The following PCDH15 variants were observed in gnomAD, a reference collection of about 807,000 sequenced individuals.
PCDH15 encodes the protein protocadherin related 15, also known as protocadherin-15.
Under a neutral mutation model 178.5 loss-of-function variants are expected in PCDH15, and 129 were observed. The ratio of observed to expected loss-of-function variants is 0.72; its 90% CI spans 0.63 to 0.84. The LOEUF is 0.84. Ranked by LOEUF, PCDH15 falls within the 40% of genes least tolerant of loss-of-function variation. The probability of loss-of-function intolerance (pLI) is 0.00; values close to 1 mark genes in which losing one functional copy is unlikely to be tolerated. For synonymous variants in PCDH15, 800 were observed against 732.0 expected, an observed-to-expected ratio of 1.09 and a Z score of -1.50; for missense variants, 2,230 against 2,099.9, an observed-to-expected ratio of 1.06 and a Z score of -1.21.
chr10:54,427,539 A>G (rs1228975491), intron 3 of PCDH15, among the ~76,000 whole-genome samples: 3 of 151,656 alleles, frequency 2.0e-5, no homozygotes, highest in South Asian at 2.1e-4. Context: ...CAGCCTCCCA[A>G]AGTGCTGGGA....
At chr10:53,887,668 C>T (rs1443300575) in intron 26 of PCDH15, among the ~76,000 whole-genome samples, 1 of 152,108 alleles carries the variant, frequency 6.6e-6, no homozygotes, top group East Asian at 1.9e-4. Flanking sequence ...GCGGGCGGAT[C>T]ACGAGGTCAG....
At chr10:55,132,966 A>G (rs979340476) in intron 2 of PCDH15, among the ~76,000 whole-genome samples, 3 of 152,186 alleles carry the variant, frequency 2.0e-5, no homozygotes, top group East Asian at 3.9e-4. Flanking sequence ...GTTGACAAGT[A>G]AAGCATGGAA....
At chr10:54,180,803 CTT>C (rs1405923118) in intron 13 of PCDH15, among the ~76,000 whole-genome samples, 2 of 152,184 alleles carry the variant, frequency 1.3e-5, no homozygotes, top group Admixed American at 6.5e-5. Context: ...AATTTGTTGA[CTT>C]AAATAATTTT....
At chr10:54,244,180 C>A (rs2055691811) in intron 8 of PCDH15, among the ~76,000 whole-genome samples, 1 of 152,228 alleles carries the variant, frequency 6.6e-6, no homozygotes, top group South Asian at 2.1e-4. Flanking sequence ...ATATCATACT[C>A]TTTATTCTAC....
intron 8 of PCDH15, among the ~76,000 whole-genome samples, chr10:54,240,822 G>C (rs1308592188): frequency 6.6e-6 from 1 of 151,564 alleles, no homozygotes; most frequent in Non-Finnish European, 1.5e-5. Flanking sequence ...TAGGAGAGAC[G>C]GGGTTTCACC....
At chr10:54,507,055 C>A (rs568494042) in intron 3 of PCDH15, among the ~76,000 whole-genome samples, 1 of 151,798 alleles carries the variant, frequency 6.6e-6, no homozygotes, top group South Asian at 2.1e-4. Context: ...TTTAGGATTC[C>A]TTTAATAATT....
At chr10:54,037,713 T>G (rs2093448825) in intron 18 of PCDH15, among the ~76,000 whole-genome samples, 2 of 151,974 alleles carry the variant, frequency 1.3e-5, no homozygotes, top group Non-Finnish European at 2.9e-5. Context: ...TGAAATATGC[T>G]TGTATTAAAA....
intron 2 of PCDH15, among the ~76,000 whole-genome samples, chr10:55,567,285 T>C (rs1842321069): frequency 6.6e-6 from 1 of 151,894 alleles, no homozygotes; most frequent in South Asian, 2.1e-4. Flanking sequence ...TTAGTCAAAA[T>C]GGATCCATGA....
chr10:54,211,933 G>C (rs555703609), intron 10 of PCDH15, among the ~76,000 whole-genome samples: 1 of 151,652 alleles, frequency 6.6e-6, no homozygotes, highest in Non-Finnish European at 1.5e-5. Flanking sequence ...ATAGTAATTT[G>C]AATCTAATAT....
chr10:55,113,827 G>A (rs1837566879), intron 2 of PCDH15, among the ~76,000 whole-genome samples: 1 of 152,192 alleles, frequency 6.6e-6, no homozygotes, highest in Non-Finnish European at 1.5e-5. Context: ...AGCCATCAGA[G>A]AGAGGTATGT....
intron 2 of PCDH15, among the ~76,000 whole-genome samples, chr10:55,438,739 A>G (rs1308634147): frequency 6.6e-6 from 1 of 152,000 alleles, no homozygotes; most frequent in African/African-American, 2.4e-5. Flanking sequence ...CAGGAAAATG[A>G]CATATATTGA....
At chr10:54,518,750 C>T (rs774356341) in intron 3 of PCDH15, among the ~76,000 whole-genome samples, 17 of 152,188 alleles carry the variant, frequency 1.1e-4, no homozygotes, top group East Asian at 9.7e-4. Flanking sequence ...CTGGCAGAGA[C>T]GCAACCAAAA....
intron 2 of PCDH15, among the ~76,000 whole-genome samples, chr10:54,917,388 T>C (rs1837364806): frequency 6.6e-6 from 1 of 152,184 alleles, no homozygotes; most frequent in Admixed American, 6.5e-5. Flanking sequence ...AAGAACAGAA[T>C]AGTGAGGACA....
chr10:54,084,139 G>A (rs1223504346), intron 16 of PCDH15, among the ~76,000 whole-genome samples: 1 of 150,956 alleles, frequency 6.6e-6, no homozygotes, highest in Non-Finnish European at 1.5e-5. Context: ...AGGCTAGAGA[G>A]CAATGGCATG....
At chr10:54,441,022 C>T (rs1247470243) in intron 3 of PCDH15, among the ~76,000 whole-genome samples, 2 of 151,838 alleles carry the variant, frequency 1.3e-5, no homozygotes, top group African/African-American at 2.4e-5. Context: ...ACATAATTCA[C>T]AAAAAGTGTT....
At chr10:54,421,870 C>CTA (rs71185273) in intron 3 of PCDH15, among the ~76,000 whole-genome samples, 7,536 of 64,556 alleles carry the variant, frequency 0.12, 485 homozygotes, top group Admixed American at 0.18. Context: ...TATACACACA[C>CTA]TATATATATA....
At chr10:53,823,199 A>T (rs1564539744) in intron 32 of PCDH15, 1 of 1,614,046 alleles carries the variant, frequency 6.2e-7, no homozygotes, top group Non-Finnish European at 8.5e-7. Context: ...ATTTTCTTGC[A>T]GACTTCAGTT....
At chr10:54,050,991 T>C (rs1007661344) in intron 18 of PCDH15, among the ~76,000 whole-genome samples, 6 of 152,210 alleles carry the variant, frequency 3.9e-5, no homozygotes, top group African/African-American at 1.4e-4. Context: ...CACTCTGCAT[T>C]TCTCTGCTCC....
chr10:53,973,812 C>G (rs142702661), intron 21 of PCDH15, among the ~76,000 whole-genome samples: 75 of 152,188 alleles, frequency 4.9e-4, no homozygotes, highest in African/African-American at 1.8e-3. Context: ...TTGGTTTCAA[C>G]AAATACTTAG....
Sources: gnomAD v4.1 joint callset for allele counts (sites outside exome capture counted in the v4.1 genomes callset) on GRCh38, gnomAD v4.1.1 for gene constraint, MANE v1.5 for transcripts, NCBI Gene and HGNC (gene_info 2026-07-23, HGNC 2026-07-21) for gene names.